Variants in FUT8 observed in about 807,000 individuals in gnomAD.
FUT8 encodes alpha-(1,6)-fucosyltransferase.
A neutral mutation model predicts 71.3 loss-of-function variants in FUT8; 29 were observed. That is an observed-to-expected ratio of 0.41 (90% confidence interval 0.30 to 0.55). The LOEUF is 0.55. FUT8 is among the 20% of genes least tolerant of loss of function. The probability of loss-of-function intolerance (pLI) is 0.34; values close to 1 mark genes in which losing one functional copy is unlikely to be tolerated. For missense variants in FUT8, 544 were observed against 702.1 expected (o/e 0.77, Z 2.55); for synonymous variants, 254 against 239.3 (o/e 1.06, Z -0.57).
chr14:65,438,446 C>T (rs181138512), intron 1 of FUT8, among the ~76,000 whole-genome samples: 69 of 152,218 alleles, frequency 4.5e-4, no homozygotes, highest in Non-Finnish European at 9.1e-4. Context: ...TGGTATTTCC[C>T]AGAAGTCTAT....
chr14:65,741,597 A>C (rs148260316), intron 10 of FUT8, among the ~76,000 whole-genome samples: 1 of 152,026 alleles, frequency 6.6e-6, no homozygotes, highest in Non-Finnish European at 1.5e-5. Context: ...TCTGACACCA[A>C]GTTATAAATT....
intron 3 of FUT8, among the ~76,000 whole-genome samples, chr14:65,594,810 A>T (rs1305022965): frequency 6.6e-6 from 1 of 152,068 alleles, no homozygotes; most frequent in Non-Finnish European, 1.5e-5. Flanking sequence ...TCTGAAGTTA[A>T]GTCCTCTCTC....
intron 1 of FUT8, among the ~76,000 whole-genome samples, chr14:65,444,384 G>A (rs1235219213): frequency 6.6e-6 from 1 of 152,206 alleles, no homozygotes; most frequent in African/African-American, 2.4e-5. Context: ...AGCTACTTCA[G>A]AGAACAATTT....
In FUT8 at chr14:65,602,819, C is replaced by G. The variant is rs1030949600; in HGVS notation, c.204-13159C>G. 7.2e-5 allele frequency among the ~76,000 whole-genome samples: 11 copies of G among 151,840 alleles called. 1 individual carries two copies. The highest frequency in any genetic ancestry group is 1.5e-4 in the Non-Finnish European group (10 of 67,908). On this transcript the variant is annotated intron_variant, in intron 3 of 10. Transcript: ENST00000673929. ...TGTCTTTTGGACATTTGTGTATCTT[C>G]TTTTGAGAATTGTCTTATTCATGTC...
At chr14:65,644,792 T>C (rs1891044925) in intron 6 of FUT8, among the ~76,000 whole-genome samples, 1 of 152,238 alleles carries the variant, frequency 6.6e-6, no homozygotes, top group Admixed American at 6.5e-5. Flanking sequence ...TGTGTGTTTC[T>C]ATTTCAAGAA....
chr14:65,700,395 T>G (rs1333356381), intron 7 of FUT8, among the ~76,000 whole-genome samples: 1 of 129,102 alleles, frequency 7.7e-6, no homozygotes, highest in Non-Finnish European at 1.7e-5. Context: ...TTTTTTTTTT[T>G]TTTTTTTTTT....
chr14:65,679,272 A>G (rs764170107), intron 7 of FUT8, among the ~76,000 whole-genome samples: 1 of 152,348 alleles, frequency 6.6e-6, no homozygotes, highest in East Asian at 1.9e-4. Context: ...AATAGGCATT[A>G]TACTGTATGT....
intron 7 of FUT8, among the ~76,000 whole-genome samples, chr14:65,704,045 C>T (rs750388197): frequency 3.3e-5 from 5 of 152,098 alleles, no homozygotes; most frequent in South Asian, 2.1e-4. Context: ...TTGACCTTTA[C>T]GTATAATGAA....
At chr14:65,524,608 A>G (rs1324572425) in intron 2 of FUT8, among the ~76,000 whole-genome samples, 2 of 152,224 alleles carry the variant, frequency 1.3e-5, no homozygotes, top group East Asian at 1.9e-4. Context: ...TTCCAACACT[A>G]TGTTAAATAG....
chr14:65,702,343 C>CT (rs1293684971), intron 7 of FUT8, among the ~76,000 whole-genome samples: 1 of 54,890 alleles, frequency 1.8e-5, no homozygotes, highest in Non-Finnish European at 3.8e-5. Flanking sequence ...AAAACTCCAT[C>CT]TCAAAAAAAA....
chr14:65,624,822 C>G (rs910228786), intron 5 of FUT8, among the ~76,000 whole-genome samples: 1 of 152,224 alleles, frequency 6.6e-6, no homozygotes, highest in African/African-American at 2.4e-5. Flanking sequence ...CACCTGTAAT[C>G]CTAGCACTTT....
chr14:65,399,329 A>AT, the FUT8 span, among the ~76,000 whole-genome samples: 2 of 152,184 alleles, frequency 1.3e-5, no homozygotes, highest in Admixed American at 6.5e-5. Context: ...AAAAAAAGAT[A>AT]TTTTTTGAAT....
chr14:65,662,396 A>T (rs1365899729), intron 6 of FUT8, among the ~76,000 whole-genome samples: 1 of 152,208 alleles, frequency 6.6e-6, no homozygotes, highest in Non-Finnish European at 1.5e-5. Context: ...AAAAATAATA[A>T]TAATAATTGA....
intron 2 of FUT8, among the ~76,000 whole-genome samples, chr14:65,554,435 A>ATC (rs1482532207): frequency 7.1e-6 from 1 of 141,710 alleles, no homozygotes; most frequent in East Asian, 2.1e-4. Flanking sequence ...TATATATATT[A>ATC]TATATATATA....
chr14:65,378,384 T>C, the FUT8 span, among the ~76,000 whole-genome samples: 1 of 152,162 alleles, frequency 6.6e-6, no homozygotes, highest in Non-Finnish European at 1.5e-5. Flanking sequence ...AATGTGTGGG[T>C]TCTATTGCTG....
chr14:65,552,389 A>G (rs1236793772), intron 2 of FUT8, among the ~76,000 whole-genome samples: 2 of 152,222 alleles, frequency 1.3e-5, no homozygotes, highest in Admixed American at 6.5e-5. Flanking sequence ...TAGAAATTGA[A>G]TGATTAGTTT....
At chr14:65,386,837 A>ATTTTTT in the FUT8 span, among the ~76,000 whole-genome samples, 3 of 82,006 alleles carry the variant, frequency 3.7e-5, no homozygotes, top group Non-Finnish European at 4.9e-5. Flanking sequence ...TCTTCCTTTA[A>ATTTTTT]TTTTTTTTTT....
chr14:65,464,259 GTTTT>G (rs3084724), intron 2 of FUT8, among the ~76,000 whole-genome samples: 1 of 116,560 alleles, frequency 8.6e-6, no homozygotes, highest in African/African-American at 3.3e-5. Context: ...AGTACTTTGG[GTTTT>G]TTTTTTTTTT....
At chr14:65,391,842 G>A in the FUT8 span, among the ~76,000 whole-genome samples, 737 of 150,624 alleles carry the variant, frequency 4.9e-3, 5 homozygotes, top group African/African-American at 0.017. Context: ...GGCTGGTCTC[G>A]AACTCCTGAC....
Sources: gnomAD v4.1 joint callset for allele counts (sites outside exome capture counted in the v4.1 genomes callset) on GRCh38, gnomAD v4.1.1 for gene constraint, MANE v1.5 for transcripts, NCBI Gene and HGNC (gene_info 2026-07-23, HGNC 2026-07-21) for gene names.